Variants in PMPCB observed in about 807,000 individuals in gnomAD.
PMPCB encodes the protein peptidase, mitochondrial processing subunit beta, also known as mitochondrial-processing peptidase subunit beta.
PMPCB carries 46 observed loss-of-function variants against 61.5 expected under a neutral mutation model. The observed-to-expected ratio is 0.75, with a 90% CI of 0.59 to 0.96. PMPCB has a LOEUF of 0.96. Among genes scored for constraint, PMPCB ranks in the 40% least tolerant of loss-of-function variants. The probability of loss-of-function intolerance (pLI) is 0.00; values close to 1 mark genes in which losing one functional copy is unlikely to be tolerated. For missense variants in PMPCB, 590 were observed against 602.4 expected (o/e 0.98, Z 0.22); for synonymous variants, 191 against 201.6 (o/e 0.95, Z 0.44).
chr7:103,312,808 C>T lies in PMPCB; in HGVS notation c.*537C>T, dbSNP rs965725759. ...AAGTTTCTAAGGTTGCTCATTTCTT[C>T]CTCATAATATTGACCCCATAACTAC... is the stretch of plus-strand genomic sequence containing the variant. On this transcript the variant is annotated 3_prime_UTR_variant, in exon 13 of 13. Transcript: ENST00000249269. 43 of 1,512,888 alleles carry T rather than the reference C, an allele frequency of 2.8e-5. No individual in the cohort carries two copies. Among genetic ancestry groups the T allele is most frequent in the Non-Finnish European group, 3.6e-5 (41 of 1,138,298 alleles). 93.7% of individuals were successfully genotyped at this position (1,512,888 alleles called of 1,614,324 possible). A position where few individuals can be genotyped will look rare whatever the true frequency, so the allele number is the denominator to read the frequency against.
chr7:103,346,662 G>A, the PMPCB span, among the ~76,000 whole-genome samples: 2 of 152,130 alleles, frequency 1.3e-5, no homozygotes, highest in African/African-American at 4.8e-5. Flanking sequence ...CTTCTACTTT[G>A]TCTTTAGGAA....
chr7:103,334,573 TAA>T, the PMPCB span, among the ~76,000 whole-genome samples: 1 of 134,166 alleles, frequency 7.5e-6, no homozygotes, highest in Non-Finnish European at 1.6e-5. Context: ...GACTCCGTCT[TAA>T]AAAAAAAAAG....
chr7:103,310,674 A>ATTT (rs377252653), intron 9 of PMPCB, 199 bp downstream of exon 9: 28 of 158,526 alleles, frequency 1.8e-4, no homozygotes, highest in South Asian at 3.3e-4. Context: ...ATACTATAGA[A>ATTT]TTTTTTTTTT....
In PMPCB at chr7:103,306,382, C is replaced by CTT. The variant is rs538586125; in HGVS notation, c.737-1198_737-1197dup. ...GATGACACTATTTTGTTCCTGAGTT[C>CTT]TTTTTTTTTTTTTTTTTGAGATGGA... On this transcript the variant is annotated intron_variant, in intron 6 of 12. Coordinates refer to ENST00000249269, the MANE Select transcript of PMPCB (RefSeq NM_004279.3). 3.9e-3 allele frequency among the ~76,000 whole-genome samples: 513 copies of CTT among 131,706 alleles called. 6 individuals carry two copies. Among genetic ancestry groups the CTT allele is most frequent in the African/African-American group, 0.013 (488 of 36,158 alleles). The allele number at this position is 131,706 out of a possible 152,430, so 86.4% of individuals were successfully genotyped here. A position where few individuals can be genotyped will look rare whatever the true frequency, so the allele number is the denominator to read the frequency against.
chr7:103,344,696 C>G, the PMPCB span: 8 of 1,492,022 alleles, frequency 5.4e-6, no homozygotes, highest in Admixed American at 1.2e-4. Flanking sequence ...TCCCCTCCAG[C>G]TCTACCTCTC....
the PMPCB span, among the ~76,000 whole-genome samples, chr7:103,334,775 A>G: frequency 6.6e-6 from 1 of 152,148 alleles, no homozygotes; most frequent in African/African-American, 2.4e-5. Context: ...TGAGCATAAT[A>G]AAATTATTTA....
rs1817879094 is a variant in PMPCB, at chr7:103,313,571, A to G, written c.*1300A>G. On this transcript the variant is annotated 3_prime_UTR_variant, in exon 13 of 13. Transcript: ENST00000249269. ...AATCATTCTTGTTTTACACTGAAGG[A>G]AACAAACCTAGCAAAATTAAGCCAA... 1.0e-6 allele frequency: 1 copy of G among 982,548 alleles called. No homozygotes were observed. The highest frequency in any genetic ancestry group is 1.2e-6 in the Non-Finnish European group (1 of 827,334). 60.9% of individuals were successfully genotyped at this position (982,548 alleles called of 1,614,324 possible). A position where few individuals can be genotyped will look rare whatever the true frequency, so the allele number is the denominator to read the frequency against.
At chr7:103,323,414 C>T (rs534442015) in intron 12 of PMPCB, among the ~76,000 whole-genome samples, 1 of 152,218 alleles carries the variant, frequency 6.6e-6, no homozygotes, top group African/African-American at 2.4e-5. Context: ...ATATCCTAAC[C>T]AATTATTGAT....
chr7:103,341,371 AC>A, the PMPCB span, among the ~76,000 whole-genome samples: 5 of 152,228 alleles, frequency 3.3e-5, no homozygotes, highest in Non-Finnish European at 5.9e-5. Flanking sequence ...TTTTAAAGAC[AC>A]TAGATTTCTC....
intron 1 of PMPCB, 74 bp from the exon 2 acceptor site, chr7:103,298,493 GT>G: frequency 7.0e-7 from 1 of 1,425,468 alleles, no homozygotes; most frequent in Non-Finnish European, 9.6e-7. Flanking sequence ...AATAGATTTG[GT>G]TTTAAAAGCA....
chr7:103,297,489 G>T lies in PMPCB; in HGVS notation c.30G>T (p.Leu10Phe). MAAAAARVV[L>F]SSAARRRLWG... ...CGGCTGCGGCGGCTCGAGTGGTGTT[G>T]TCATCCGCGGCGCGGCGGCGGCTCT... The change falls in exon 1 of 13, where the codon TTG (leucine) becomes TTT (phenylalanine). Residue 10 changes from leucine to phenylalanine, a missense_variant. Transcript: ENST00000249269. 2 of 1,570,274 alleles carry T rather than the reference G, an allele frequency of 1.3e-6. No homozygotes were observed. Among genetic ancestry groups the T allele is most frequent in the Non-Finnish European group, 1.7e-6 (2 of 1,157,624 alleles).
chr7:103,306,852 T>C (rs1427071764), intron 6 of PMPCB, among the ~76,000 whole-genome samples: 1 of 152,106 alleles, frequency 6.6e-6, no homozygotes, highest in Non-Finnish European at 1.5e-5. Flanking sequence ...ACCTCCTAGA[T>C]TCAAGCAGTT....
Position 103,312,267 on chromosome 7 carries a change from A to G in PMPCB, c.1466A>G (p.Asp489Gly), listed in dbSNP as rs777553187. 51 of 1,610,470 alleles carry G rather than the reference A, an allele frequency of 3.2e-5. No homozygotes were observed. The highest frequency in any genetic ancestry group is 4.3e-5 in the Non-Finnish European group (51 of 1,179,896). ...QIRSNMCWLRD is the reference protein window; with the variant it reads ...QIRSNMCWLRG ...CGCAGTAACATGTGTTGGCTTCGTG[A>G]TTAAAATGCTCCTAATCAAGATTGT... Residue 489 changes from aspartate (D) to glycine (G), a missense_variant, in exon 13 of 13, where the codon GAT becomes GGT. Physicochemically the swap from Asp to Gly is moderately conservative, Grantham distance 94. Transcript: ENST00000249269.
Position 103,313,762 on chromosome 7 carries a change from AAGATG to A in PMPCB, c.*1492_*1496del. The A allele has an allele frequency of 1.0e-6, 1 of 985,058 alleles. No homozygotes were observed. The allele number at this position is 985,058 out of a possible 1,614,324, so 61.0% of individuals were successfully genotyped here. ...ACCTTGTATATTTCAGAAAACATCT[AAGATG>A]TGTGTCAGAAACAAATATGTTTCTT... On this transcript the variant is annotated 3_prime_UTR_variant, in exon 13 of 13. Coordinates refer to ENST00000249269, the MANE Select transcript of PMPCB (RefSeq NM_004279.3).
chr7:103,297,928 T>C, intron 1 of PMPCB: 1 of 1,265,342 alleles, frequency 7.9e-7, no homozygotes, highest in Non-Finnish European at 1.0e-6. Context: ...TCAGCTGGGC[T>C]TCCCGCGAAC....
intron 12 of PMPCB, among the ~76,000 whole-genome samples, chr7:103,321,681 C>G (rs1818424223): frequency 6.6e-6 from 1 of 151,756 alleles, no homozygotes; most frequent in Non-Finnish European, 1.5e-5. Context: ...AACCCTGTCT[C>G]TACTAAAAAT....
At chr7:103,347,152 A>G in the PMPCB span, among the ~76,000 whole-genome samples, 4 of 152,258 alleles carry the variant, frequency 2.6e-5, no homozygotes, top group Non-Finnish European at 5.9e-5. Context: ...TTTATCCAGC[A>G]GCACATGCAA....
intron 12 of PMPCB, chr7:103,326,816 G>T: frequency 2.3e-6 from 2 of 870,776 alleles, no homozygotes; most frequent in Non-Finnish European, 3.4e-6. Flanking sequence ...TGCAGGTTGG[G>T]GAGGATTTAA....
intron 7 of PMPCB, among the ~76,000 whole-genome samples, chr7:103,308,172 C>T (rs1817637525): frequency 1.3e-5 from 2 of 152,304 alleles, no homozygotes; most frequent in Admixed American, 6.5e-5. Flanking sequence ...TAGTTATCAA[C>T]TAGCTTTAAG....
Sources: gnomAD v4.1 joint callset for allele counts (sites outside exome capture counted in the v4.1 genomes callset) on GRCh38, gnomAD v4.1.1 for gene constraint, MANE v1.5 for transcripts, NCBI Gene and HGNC (gene_info 2026-07-23, HGNC 2026-07-21) for gene names.